SYT1: variants seen among roughly 807,000 people sequenced by gnomAD.
The protein encoded by SYT1 is synaptotagmin 1.
A neutral mutation model predicts 44.8 loss-of-function variants in SYT1; 8 were observed. The ratio of observed to expected loss-of-function variants is 0.18; its 90% CI spans 0.10 to 0.32. The LOEUF (loss-of-function observed/expected upper bound fraction) is 0.32. Among genes scored for constraint, SYT1 ranks in the 10% least tolerant of loss-of-function variants. The pLI, the probability that SYT1 is intolerant of heterozygous loss-of-function variation, is 1.00. For synonymous variants in SYT1, 154 were observed against 188.8 expected, an observed-to-expected ratio of 0.82 and a Z score of 1.51; for missense variants, 286 against 509.3, an observed-to-expected ratio of 0.56 and a Z score of 4.22.
chr12:79,281,289 A>C (rs1879040219), intron 4 of SYT1, among the ~76,000 whole-genome samples: 2 of 152,084 alleles, frequency 1.3e-5, no homozygotes, highest in South Asian at 4.1e-4. Context: ...AGAAAATGTC[A>C]GATACGGATA....
chr12:78,994,913 C>G (rs1870271326), intron 2 of SYT1, among the ~76,000 whole-genome samples: 1 of 152,066 alleles, frequency 6.6e-6, no homozygotes, highest in African/African-American at 2.4e-5. Context: ...TTTTTCAGAG[C>G]TCTCACTTTG....
chr12:79,107,768 A>G (rs558500136), intron 3 of SYT1, among the ~76,000 whole-genome samples: 2 of 152,140 alleles, frequency 1.3e-5, no homozygotes, highest in East Asian at 1.9e-4. Flanking sequence ...ATGTTGTATC[A>G]CTGATGACTG....
chr12:79,123,309 A>ATGTG (rs66869713), intron 3 of SYT1, among the ~76,000 whole-genome samples: 20,100 of 141,418 alleles, frequency 0.14, 1,545 homozygotes, highest in East Asian at 0.31. Flanking sequence ...TAAAAATGCA[A>ATGTG]TGTGTGTGTG....
intron 8 of SYT1, among the ~76,000 whole-genome samples, chr12:79,325,717 C>T (rs904885989): frequency 9.2e-5 from 14 of 152,128 alleles, no homozygotes; most frequent in Admixed American, 3.3e-4. Flanking sequence ...GACCTGGGTT[C>T]GGATTGCCTC....
chr12:79,210,346 C>A (rs1226197413), intron 3 of SYT1, among the ~76,000 whole-genome samples: 2 of 151,900 alleles, frequency 1.3e-5, no homozygotes, highest in African/African-American at 4.8e-5. Context: ...TTGATGCACC[C>A]ATAGCCCAAG....
At chr12:79,146,267 C>T (rs1296254856) in intron 3 of SYT1, among the ~76,000 whole-genome samples, 1 of 152,168 alleles carries the variant, frequency 6.6e-6, no homozygotes, top group Non-Finnish European at 1.5e-5. Flanking sequence ...CGTCCTCACA[C>T]TTTAGAGTAG....
intron 1 of SYT1, among the ~76,000 whole-genome samples, chr12:78,945,826 C>T (rs1565730790): frequency 6.6e-6 from 1 of 152,180 alleles, no homozygotes; most frequent in Admixed American, 6.6e-5. Flanking sequence ...CCATAGCCAA[C>T]ATGCCTCACA....
intron 1 of SYT1, among the ~76,000 whole-genome samples, chr12:78,876,679 GTA>G (rs1238177504): frequency 9.0e-5 from 9 of 100,436 alleles, no homozygotes; most frequent in Admixed American, 2.4e-4. Flanking sequence ...GTACATGTGT[GTA>G]TATATACACA....
intron 1 of SYT1, among the ~76,000 whole-genome samples, chr12:78,876,650 T>C (rs1228055578): frequency 6.1e-5 from 8 of 131,554 alleles, no homozygotes; most frequent in African/African-American, 1.7e-4. Flanking sequence ...CATATGTATA[T>C]ACACACGTGT....
chr12:78,941,484 A>G (rs1425182322), intron 1 of SYT1, among the ~76,000 whole-genome samples: 1 of 152,054 alleles, frequency 6.6e-6, no homozygotes, highest in East Asian at 1.9e-4. Flanking sequence ...ATTGTTAGAG[A>G]AAGTCTTAGG....
intron 8 of SYT1, among the ~76,000 whole-genome samples, chr12:79,343,768 A>T (rs1451554222): frequency 6.6e-6 from 1 of 152,252 alleles, no homozygotes; most frequent in African/African-American, 2.4e-5. Flanking sequence ...CATATAAATG[A>T]AACACAATTT....
intron 2 of SYT1, among the ~76,000 whole-genome samples, chr12:78,994,933 A>AT (rs1164026363): frequency 1.3e-5 from 2 of 151,852 alleles, no homozygotes; most frequent in Middle Eastern, 3.2e-3. Flanking sequence ...GTTTCTCCAA[A>AT]ATTGGTCATC....
chr12:79,421,182 T>C (rs369011152), intron 9 of SYT1, among the ~76,000 whole-genome samples: 1 of 152,152 alleles, frequency 6.6e-6, no homozygotes, highest in African/African-American at 2.4e-5. Flanking sequence ...GAATAAATAA[T>C]AACATTTTAT....
intron 3 of SYT1, among the ~76,000 whole-genome samples, chr12:79,205,881 AT>A (rs943160534): frequency 2.2e-4 from 33 of 152,180 alleles, no homozygotes; most frequent in African/African-American, 7.7e-4. Context: ...GTTTGTTTAA[AT>A]TTTTTTTAAG....
chr12:78,943,029 T>G (rs1305346702), intron 1 of SYT1, among the ~76,000 whole-genome samples: 1 of 152,234 alleles, frequency 6.6e-6, no homozygotes, highest in Non-Finnish European at 1.5e-5. Context: ...TATAGTAGTC[T>G]AATAATAGTA....
intron 9 of SYT1, among the ~76,000 whole-genome samples, chr12:79,436,260 A>C (rs1565957134): frequency 6.6e-6 from 1 of 152,188 alleles, no homozygotes; most frequent in East Asian, 1.9e-4. Context: ...CAGTATTATT[A>C]TCTTTATCCA....
intron 2 of SYT1, among the ~76,000 whole-genome samples, chr12:79,001,724 AGT>A (rs890712006): frequency 2.0e-5 from 3 of 152,166 alleles, no homozygotes; most frequent in Non-Finnish European, 4.4e-5. Context: ...CATATTGTAA[AGT>A]GTGTTTTTCT....
intron 1 of SYT1, among the ~76,000 whole-genome samples, chr12:78,891,156 T>C (rs1467437774): frequency 6.6e-6 from 1 of 151,910 alleles, no homozygotes; most frequent in African/African-American, 2.4e-5. Flanking sequence ...GCTCTTGATA[T>C]GTAGTTATTA....
At chr12:79,092,989 T>G (rs1437594190) in intron 3 of SYT1, among the ~76,000 whole-genome samples, 1 of 151,734 alleles carries the variant, frequency 6.6e-6, no homozygotes, top group African/African-American at 2.4e-5. Context: ...TCTAGAAATT[T>G]CATACAATTT....
Sources: gnomAD v4.1 joint callset for allele counts (sites outside exome capture counted in the v4.1 genomes callset) on GRCh38, gnomAD v4.1.1 for gene constraint, MANE v1.5 for transcripts, NCBI Gene and HGNC (gene_info 2026-07-23, HGNC 2026-07-21) for gene names.